The following L3MBTL4 variants were observed in gnomAD, a reference collection of about 807,000 sequenced individuals.
The protein encoded by L3MBTL4 is lethal(3)malignant brain tumor-like protein 4.
A neutral mutation model predicts 84.5 loss-of-function variants in L3MBTL4; 70 were observed. The observed-to-expected ratio is 0.83, with a 90% CI of 0.68 to 1.01. The LOEUF is 1.01. Among genes scored for constraint, L3MBTL4 ranks in the 50% least tolerant of loss-of-function variants. L3MBTL4 has a pLI of 0.00. For synonymous variants in L3MBTL4, 274 were observed against 259.8 expected (o/e 1.05, Z -0.52); for missense variants, 715 against 754.8 (o/e 0.95, Z 0.62).
intron 12 of L3MBTL4, among the ~76,000 whole-genome samples, chr18:6,180,478 C>A (rs1858128400): frequency 1.3e-5 from 2 of 152,254 alleles, no homozygotes; most frequent in South Asian, 4.1e-4. Flanking sequence ...TAACTCAACT[C>A]CTTGTCCCTG....
chr18:6,110,137 T>C (rs1451727230), intron 14 of L3MBTL4, among the ~76,000 whole-genome samples: 5 of 152,084 alleles, frequency 3.3e-5, no homozygotes, highest in Non-Finnish European at 7.4e-5. Flanking sequence ...AGGCTGGGAG[T>C]GTCTCTGCTT....
At chr18:6,320,624 T>G (rs563641729) in intron 1 of L3MBTL4, among the ~76,000 whole-genome samples, 1 of 152,248 alleles carries the variant, frequency 6.6e-6, no homozygotes, top group East Asian at 1.9e-4. Context: ...CATCCCATGC[T>G]CATGAATTGG....
intron 12 of L3MBTL4, among the ~76,000 whole-genome samples, chr18:6,205,078 A>T (rs1472615946): frequency 1.3e-5 from 2 of 152,222 alleles, no homozygotes; most frequent in East Asian, 3.8e-4. Flanking sequence ...GGCAAGGCAG[A>T]TTTTTGCAAG....
chr18:5,978,907 G>A (rs2053081901), intron 16 of L3MBTL4, among the ~76,000 whole-genome samples: 1 of 152,142 alleles, frequency 6.6e-6, no homozygotes, highest in Non-Finnish European at 1.5e-5. Context: ...TCCCACAACG[G>A]GAGGGGCAGG....
chr18:6,317,405 G>A (rs2051162556), intron 1 of L3MBTL4, among the ~76,000 whole-genome samples: 1 of 151,886 alleles, frequency 6.6e-6, no homozygotes, highest in Admixed American at 6.6e-5. Flanking sequence ...ATATTTTAAA[G>A]AAAAACCAAT....
chr18:6,187,244 T>C (rs1425914042), intron 12 of L3MBTL4, among the ~76,000 whole-genome samples: 2 of 151,812 alleles, frequency 1.3e-5, no homozygotes, highest in Non-Finnish European at 2.9e-5. Context: ...GAGTAGATGC[T>C]TTTTTTTAGC....
chr18:5,979,997 C>T (rs913370933), intron 16 of L3MBTL4, among the ~76,000 whole-genome samples: 1 of 152,236 alleles, frequency 6.6e-6, no homozygotes, highest in Non-Finnish European at 1.5e-5. Flanking sequence ...ACACTCACCT[C>T]TCTGGGAAAA....
At chr18:6,179,664 G>T (rs1419928021) in intron 12 of L3MBTL4, among the ~76,000 whole-genome samples, 2 of 152,204 alleles carry the variant, frequency 1.3e-5, no homozygotes, top group Non-Finnish European at 2.9e-5. Flanking sequence ...GTTGTAATGT[G>T]TGTGTGTGGA....
intron 16 of L3MBTL4, among the ~76,000 whole-genome samples, chr18:6,071,828 GAAAGAA>G (rs370341106): frequency 0.035 from 4,528 of 130,328 alleles, 231 homozygotes; most frequent in African/African-American, 0.12. Flanking sequence ...AAGAAAGAAA[GAAAGAA>G]AGAGAAAGAG....
intron 16 of L3MBTL4, among the ~76,000 whole-genome samples, chr18:5,972,735 C>T (rs2052698848): frequency 6.6e-6 from 1 of 152,060 alleles, no homozygotes; most frequent in Non-Finnish European, 1.5e-5. Context: ...GCCTCAGGAG[C>T]TCTGTGGCCT....
chr18:6,120,042 G>A (rs927391442), intron 14 of L3MBTL4, among the ~76,000 whole-genome samples: 1 of 152,192 alleles, frequency 6.6e-6, no homozygotes, highest in African/African-American at 2.4e-5. Flanking sequence ...TTGCAAAGCA[G>A]ACTAAAGCCC....
intron 16 of L3MBTL4, among the ~76,000 whole-genome samples, chr18:6,016,677 C>T (rs2054997291): frequency 6.6e-6 from 1 of 152,218 alleles, no homozygotes; most frequent in Non-Finnish European, 1.5e-5. Context: ...ACTCTGCATG[C>T]TTGGCAAACA....
intron 16 of L3MBTL4, among the ~76,000 whole-genome samples, chr18:6,023,552 A>G (rs1226909153): frequency 6.6e-6 from 1 of 152,252 alleles, no homozygotes; most frequent in South Asian, 2.1e-4. Flanking sequence ...ACATGCTACA[A>G]GCATTTACCA....
At chr18:6,160,259 CTCAG>C in intron 13 of L3MBTL4, among the ~76,000 whole-genome samples, 1 of 152,356 alleles carries the variant, frequency 6.6e-6, no homozygotes, top group Non-Finnish European at 1.5e-5. Context: ...CATTCCCTTA[CTCAG>C]TGACTACCTT....
At chr18:6,155,273 G>A (rs1049682358) in intron 13 of L3MBTL4, among the ~76,000 whole-genome samples, 3 of 152,120 alleles carry the variant, frequency 2.0e-5, no homozygotes, top group African/African-American at 4.8e-5. Context: ...AGCACTGAAC[G>A]CAAATAAAAT....
At chr18:6,304,877 A>G (rs1260438338) in intron 3 of L3MBTL4, among the ~76,000 whole-genome samples, 2 of 152,260 alleles carry the variant, frequency 1.3e-5, no homozygotes, top group Admixed American at 6.5e-5. Flanking sequence ...AAGCATTTTT[A>G]TAATCACTGT....
intron 16 of L3MBTL4, among the ~76,000 whole-genome samples, chr18:5,984,268 C>A (rs1369830593): frequency 6.6e-6 from 1 of 152,148 alleles, no homozygotes; most frequent in South Asian, 2.1e-4. Flanking sequence ...GGTGTTAATT[C>A]TTTGGAGGAA....
intron 1 of L3MBTL4, among the ~76,000 whole-genome samples, chr18:6,398,837 C>T (rs1412267525): frequency 1.3e-5 from 2 of 152,116 alleles, no homozygotes; most frequent in Admixed American, 6.5e-5. Context: ...GCGCCCCAGG[C>T]ACCATGAGCC....
intron 15 of L3MBTL4, among the ~76,000 whole-genome samples, chr18:6,086,236 A>T (rs2058254324): frequency 6.6e-6 from 1 of 152,182 alleles, no homozygotes; most frequent in South Asian, 2.1e-4. Context: ...TCAGGCTGCA[A>T]GGTTTTATTT....
Sources: allele counts gnomAD v4.1 joint callset (sites outside exome capture counted in the v4.1 genomes callset), GRCh38; gene constraint gnomAD v4.1.1; transcripts MANE v1.5; gene names NCBI Gene and HGNC (gene_info 2026-07-23, HGNC 2026-07-21).